The following KCNT2 variants were observed in gnomAD, a reference collection of about 807,000 sequenced individuals.
The protein encoded by KCNT2 is potassium channel subfamily T member 2.
Under a neutral mutation model 153.8 loss-of-function variants are expected in KCNT2, and 67 were observed. The observed-to-expected ratio is 0.44, with a 90% CI of 0.36 to 0.53. KCNT2 has a LOEUF of 0.53. KCNT2 is among the 20% of genes least tolerant of loss of function. The pLI, the probability that KCNT2 is intolerant of heterozygous loss-of-function variation, is 0.00. For missense variants in KCNT2, 975 were observed against 1,354.8 expected (o/e 0.72, Z 4.40); for synonymous variants, 500 against 458.8 (o/e 1.09, Z -1.15).
intron 12 of KCNT2, among the ~76,000 whole-genome samples, chr1:196,411,425 A>T: frequency 8.0e-6 from 1 of 124,652 alleles, no homozygotes; most frequent in Non-Finnish European, 1.7e-5. Context: ...TAATTTCAGG[A>T]TTGTTTTTAA....
At chr1:196,275,353 C>T (rs1331149336) in intron 25 of KCNT2, among the ~76,000 whole-genome samples, 2 of 151,764 alleles carry the variant, frequency 1.3e-5, no homozygotes, top group South Asian at 2.1e-4. Context: ...CATCTCTACT[C>T]TGCTTTCCAT....
At chr1:196,424,616 G>T (rs1444455424) in intron 11 of KCNT2, among the ~76,000 whole-genome samples, 2 of 150,772 alleles carry the variant, frequency 1.3e-5, no homozygotes, top group East Asian at 3.9e-4. Flanking sequence ...TACTCACAAA[G>T]AAATGTAATT....
intron 1 of KCNT2, among the ~76,000 whole-genome samples, chr1:196,574,737 A>G (rs919234992): frequency 1.3e-5 from 2 of 152,068 alleles, no homozygotes; most frequent in African/African-American, 4.8e-5. Flanking sequence ...TGGAGCTATT[A>G]TAGATAAATT....
intron 8 of KCNT2, among the ~76,000 whole-genome samples, chr1:196,460,993 C>T (rs181783382): frequency 9.9e-5 from 15 of 151,706 alleles, no homozygotes; most frequent in African/African-American, 3.1e-4. Flanking sequence ...GACAAAAGCA[C>T]TTTCAGTAAT....
intron 22 of KCNT2, among the ~76,000 whole-genome samples, chr1:196,289,064 T>G (rs1659943041): frequency 6.6e-6 from 1 of 152,100 alleles, no homozygotes. Flanking sequence ...CCTCTAAAAT[T>G]ACTGTATATA....
At chr1:196,420,770 G>A (rs752522905) in intron 12 of KCNT2, among the ~76,000 whole-genome samples, 4 of 151,992 alleles carry the variant, frequency 2.6e-5, no homozygotes, top group African/African-American at 9.7e-5. Flanking sequence ...ATCACGTTCA[G>A]TGATATGATT....
chr1:196,311,243 C>A (rs1242309081), intron 21 of KCNT2, among the ~76,000 whole-genome samples: 1 of 151,730 alleles, frequency 6.6e-6, no homozygotes, highest in Non-Finnish European at 1.5e-5. Context: ...TATTAGTATT[C>A]AAAGGCCACC....
intron 26 of KCNT2, among the ~76,000 whole-genome samples, chr1:196,247,574 C>T (rs1393954005): frequency 6.6e-6 from 1 of 152,130 alleles, no homozygotes; most frequent in African/African-American, 2.4e-5. Context: ...ACAATCATGG[C>T]AGAAGGGGAA....
intron 1 of KCNT2, among the ~76,000 whole-genome samples, chr1:196,510,514 A>T (rs905263625): frequency 1.3e-5 from 2 of 152,204 alleles, no homozygotes; most frequent in Non-Finnish European, 2.9e-5. Context: ...ACAGATTATA[A>T]AATGTATTAC....
chr1:196,377,389 T>C (rs72732237), intron 13 of KCNT2, among the ~76,000 whole-genome samples: 28 of 151,970 alleles, frequency 1.8e-4, no homozygotes, highest in Non-Finnish European at 3.7e-4. Context: ...TATCAAATAA[T>C]TTTCTAATTA....
At chr1:196,397,449 T>G (rs945176891) in intron 13 of KCNT2, among the ~76,000 whole-genome samples, 19 of 151,492 alleles carry the variant, frequency 1.3e-4, no homozygotes, top group African/African-American at 4.6e-4. Context: ...GGCACTGTTA[T>G]TTTTAAATTT....
intron 1 of KCNT2, among the ~76,000 whole-genome samples, chr1:196,567,069 T>C (rs1164280041): frequency 3.3e-5 from 5 of 152,146 alleles, no homozygotes; most frequent in Non-Finnish European, 7.4e-5. Flanking sequence ...TTATTATCTA[T>C]ATAGTTCTTA....
chr1:196,463,145 C>A (rs1389513457), intron 8 of KCNT2, among the ~76,000 whole-genome samples: 1 of 151,712 alleles, frequency 6.6e-6, no homozygotes, highest in Non-Finnish European at 1.5e-5. Flanking sequence ...AGACAGACTA[C>A]CTAGACATTT....
At chr1:196,462,357 A>G (rs1013695848) in intron 8 of KCNT2, among the ~76,000 whole-genome samples, 1 of 151,692 alleles carries the variant, frequency 6.6e-6, no homozygotes, top group African/African-American at 2.4e-5. Context: ...TGCTACCATT[A>G]TCTTTAACTT....
At chr1:196,370,851 A>C (rs1470912839) in intron 14 of KCNT2, among the ~76,000 whole-genome samples, 1 of 152,140 alleles carries the variant, frequency 6.6e-6, no homozygotes, top group African/African-American at 2.4e-5. Context: ...CATGCAATGG[A>C]ATATTATTCA....
intron 8 of KCNT2, among the ~76,000 whole-genome samples, chr1:196,445,865 A>G (rs1353800481): frequency 2.0e-5 from 3 of 151,348 alleles, no homozygotes; most frequent in Non-Finnish European, 4.4e-5. Flanking sequence ...ATAAGCTAGT[A>G]TCAAATACAT....
intron 22 of KCNT2, among the ~76,000 whole-genome samples, chr1:196,288,719 G>A (rs1202704666): frequency 1.3e-5 from 2 of 152,082 alleles, no homozygotes; most frequent in Non-Finnish European, 2.9e-5. Flanking sequence ...ATGATACACA[G>A]GTCTCTAGAT....
chr1:196,595,872 A>G (rs1202854605), intron 1 of KCNT2, among the ~76,000 whole-genome samples: 1 of 151,790 alleles, frequency 6.6e-6, no homozygotes, highest in Non-Finnish European at 1.5e-5. Flanking sequence ...TCCAAAGTCC[A>G]TTATATCACT....
At chr1:196,244,572 A>G (rs1338692581) in intron 26 of KCNT2, among the ~76,000 whole-genome samples, 1 of 152,074 alleles carries the variant, frequency 6.6e-6, no homozygotes, top group African/African-American at 2.4e-5. Flanking sequence ...AGTACCCAAC[A>G]TTGGCCTGGA....
Sources: allele counts gnomAD v4.1 joint callset (sites outside exome capture counted in the v4.1 genomes callset), GRCh38; gene constraint gnomAD v4.1.1; transcripts MANE v1.5; gene names NCBI Gene and HGNC (gene_info 2026-07-23, HGNC 2026-07-21).